Variants in FAM171B observed in about 807,000 individuals in gnomAD.
FAM171B encodes protein FAM171B.
A neutral mutation model predicts 75.6 loss-of-function variants in FAM171B; 19 were observed. The observed-to-expected ratio is 0.25, with a 90% CI of 0.18 to 0.37. FAM171B has a LOEUF of 0.37. Among genes scored for constraint, FAM171B ranks in the 10% least tolerant of loss-of-function variants. FAM171B has a pLI of 1.00. For synonymous variants in FAM171B, 367 were observed against 361.7 expected (o/e 1.01, Z -0.17); for missense variants, 848 against 982.4 (o/e 0.86, Z 1.83).
At chr2:186,761,376 C>T in intron 7 of FAM171B, 103 bp from the exon 8 acceptor site, 3 of 1,437,264 alleles carry the variant, frequency 2.1e-6, no homozygotes, top group African/African-American at 2.9e-5. Flanking sequence ...ACATATCTCA[C>T]AATAGCATTG....
intron 1 of FAM171B, among the ~76,000 whole-genome samples, chr2:186,705,449 C>CTATAT (rs1321147945): frequency 2.0e-5 from 3 of 151,890 alleles, no homozygotes; most frequent in Non-Finnish European, 4.4e-5. Flanking sequence ...TCAAGGGAGC[C>CTATAT]AATAGAAGGG....
At chr2:186,741,633 T>C (rs1052508672) in intron 2 of FAM171B, among the ~76,000 whole-genome samples, 34 of 152,170 alleles carry the variant, frequency 2.2e-4, no homozygotes, top group African/African-American at 7.5e-4. Flanking sequence ...TTAGATTTTT[T>C]TACCTTAAAA....
chr2:186,759,996 C>T (rs933029705), intron 6 of FAM171B, among the ~76,000 whole-genome samples: 1 of 152,086 alleles, frequency 6.6e-6, no homozygotes, highest in Non-Finnish European at 1.5e-5. Flanking sequence ...TTTCATTCTT[C>T]TGCATAAGGA....
intron 5 of FAM171B, among the ~76,000 whole-genome samples, chr2:186,751,613 G>T (rs1690455947): frequency 6.6e-6 from 1 of 152,074 alleles, no homozygotes; most frequent in South Asian, 2.1e-4. Context: ...GTTTTGATAA[G>T]CTCATAATAC....
At chr2:186,728,193 T>A (rs2105781376) in intron 1 of FAM171B, among the ~76,000 whole-genome samples, 1 of 152,328 alleles carries the variant, frequency 6.6e-6, no homozygotes. Context: ...TAGATATTAG[T>A]GTCATTTTTT....
In FAM171B at chr2:186,762,029, C is replaced by A; in HGVS notation, c.1687C>A (p.Pro563Thr). ...QLHTAKSATL[P>T]RKGQLVYGQL... ...ACATACTGCTAAGTCAGCTACTTTG[C>A]CAAGAAAGGGACAGTTAGTCTATGG... The change falls in exon 8 of 8, where the codon CCA becomes ACA. Residue 563 changes from proline (P) to threonine (T), a missense_variant. Physicochemically the swap from Pro to Thr is conservative, Grantham distance 38. Around this residue, in one of 3 missense-constraint regions of FAM171B, gnomAD observed 665 missense variants for 729.0 expected, o/e 0.91. Coordinates refer to ENST00000304698, the MANE Select transcript of FAM171B (RefSeq NM_177454.4). This position sits in a 1 kb window ranked among gnomAD's most constrained non-coding sequence, Gnocchi z 4.0. 6.2e-7 allele frequency: 1 copy of A among 1,613,614 alleles called. No individual in the cohort carries two copies. Among genetic ancestry groups the A allele is most frequent in the Non-Finnish European group, 8.5e-7 (1 of 1,179,796 alleles).
chr2:186,753,903 G>C (rs368873477), intron 5 of FAM171B, 30 bp from the exon 6 acceptor site: 19 of 1,551,056 alleles, frequency 1.2e-5, no homozygotes, highest in Non-Finnish European at 1.7e-5. Flanking sequence ...AGATATAACT[G>C]TAACAAGTAT....
At chr2:186,744,362 TA>T (rs900750621) in intron 3 of FAM171B, among the ~76,000 whole-genome samples, 4 of 152,210 alleles carry the variant, frequency 2.6e-5, no homozygotes, top group African/African-American at 9.6e-5. Flanking sequence ...TTTTCATTTT[TA>T]GATGCTGCCT....
At chr2:186,726,060 A>G (rs1236850574) in intron 1 of FAM171B, among the ~76,000 whole-genome samples, 3 of 152,170 alleles carry the variant, frequency 2.0e-5, no homozygotes, top group East Asian at 3.9e-4. Context: ...GGCTCTTTTT[A>G]TGTTATCCAT....
At position 186,747,450 on chromosome 2, in the gene FAM171B, A is replaced by G. The variant is rs1425864261; in HGVS notation, c.724+200A>G. Among the ~76,000 whole-genome samples, 5 of 152,138 alleles carry G rather than the reference A, an allele frequency of 3.3e-5. No individual in the cohort carries two copies. In the East Asian group the frequency reaches 9.6e-4, roughly 29 times the overall value. On this transcript the variant is annotated intron_variant, in intron 4 of 7. Coordinates refer to ENST00000304698, the MANE Select transcript of FAM171B (RefSeq NM_177454.4). ...ATATATCTTATTCAATGAAAGAAAAATTCAGCATACATTATTTCAAATGCA... is the reference window on the plus strand; with the variant it reads ...ATATATCTTATTCAATGAAAGAAAAGTTCAGCATACATTATTTCAAATGCA...
rs201384607 is a variant in FAM171B at position 186,762,311 on chromosome 2, A to T, written c.1969A>T (p.Thr657Ser). The stretch of plus-strand genomic sequence containing the variant: ...GGAACTTCAAGGAATTTCAGAACAG[A>T]CCCTCCTGGAGCTGTCCAAAGGAAA... ...SSELQGISEQ[T>S]LLELSKGKPS... is the part of the protein sequence containing the mutation. Residue 657 changes from threonine (T) to serine (S), a missense_variant, in exon 8 of 8, where the codon ACC becomes TCC. Physicochemically the swap from Thr to Ser is moderately conservative, Grantham distance 58. This residue lies in a region of FAM171B where 47 missense variants were observed against 94.0 expected (regional missense o/e 0.50). Coordinates refer to ENST00000304698, the MANE Select transcript of FAM171B (RefSeq NM_177454.4). The surrounding 1 kb of genome is among the most constrained non-coding windows in gnomAD (Gnocchi z 4.0). 6.2e-7 allele frequency: 1 copy of T among 1,613,432 alleles called. No individual in the cohort carries two copies. Among genetic ancestry groups the T allele is most frequent in the African/African-American group, 1.3e-5 (1 of 74,894 alleles).
rs1303729116 is a variant in FAM171B at position 186,765,172 on chromosome 2, A to G, written c.*2349A>G. On this transcript the variant is annotated 3_prime_UTR_variant, in exon 8 of 8. Coordinates refer to ENST00000304698, the MANE Select transcript of FAM171B (RefSeq NM_177454.4). The stretch of plus-strand genomic sequence containing the variant: ...AATTTCCTGTTAAAAAGCTGAAACC[A>G]TCTACTTTTTCTTAACCCAAGTGAT... The G allele has an allele frequency of 1.3e-5, 2 of 152,050 alleles. No individual in the cohort carries two copies. The highest frequency in any genetic ancestry group is 4.8e-5 in the African/African-American group (2 of 41,452). 9.4% of individuals were successfully genotyped at this position (152,050 alleles called of 1,614,324 possible). A position where few individuals can be genotyped will look rare whatever the true frequency, so the allele number is the denominator to read the frequency against.
rs570107806 is a variant in FAM171B at position 186,732,900 on chromosome 2, T to C, written c.239-7328T>C. On this transcript the variant is annotated intron_variant, in intron 1 of 7. Transcript: ENST00000304698. ...CACTCACCCAACTCCTGAGATCTCA[T>C]CAGGAAGCTGCTGATCACCAGTTTC... 7.9e-5 allele frequency among the ~76,000 whole-genome samples: 12 copies of C among 152,318 alleles called. No individual in the cohort carries two copies. The South Asian group carries it at 2.5e-3, about 32-fold the overall frequency.
intron 1 of FAM171B, among the ~76,000 whole-genome samples, chr2:186,725,455 G>T (rs1384548221): frequency 1.3e-5 from 2 of 152,054 alleles, no homozygotes; most frequent in Non-Finnish European, 2.9e-5. Flanking sequence ...TTCAAAGGAC[G>T]GGGAAATCAG....
intron 1 of FAM171B, among the ~76,000 whole-genome samples, chr2:186,705,435 A>G (rs1689721037): frequency 6.6e-6 from 1 of 152,064 alleles, no homozygotes; most frequent in South Asian, 2.1e-4. Context: ...GGCAACGCAG[A>G]GGTTCAAGGG....
chr2:186,739,963 T>A (rs1231639611), intron 1 of FAM171B, among the ~76,000 whole-genome samples: 2 of 152,192 alleles, frequency 1.3e-5, no homozygotes, highest in African/African-American at 4.8e-5. Context: ...AATGGGAATT[T>A]TTTAGTGCCA....
chr2:186,761,385 T>C, intron 7 of FAM171B, 94 bp from the exon 8 acceptor site: 1 of 1,435,696 alleles, frequency 7.0e-7, no homozygotes, highest in Non-Finnish European at 9.4e-7. Flanking sequence ...ACAATAGCAT[T>C]GCATGTATGA....
intron 1 of FAM171B, among the ~76,000 whole-genome samples, chr2:186,736,717 AG>A (rs903728771): frequency 6.8e-6 from 1 of 146,238 alleles, no homozygotes; most frequent in African/African-American, 2.5e-5. Context: ...ATTATTACAA[AG>A]GTTATATTTG....
chr2:186,732,317 T>A (rs1690129788), intron 1 of FAM171B, among the ~76,000 whole-genome samples: 1 of 152,204 alleles, frequency 6.6e-6, no homozygotes, highest in Non-Finnish European at 1.5e-5. Flanking sequence ...CAATGATGAT[T>A]GCAATCATAT....
Sources: gnomAD v4.1 joint callset for allele counts (sites outside exome capture counted in the v4.1 genomes callset) on GRCh38, gnomAD v4.1.1 for gene constraint, gnomAD v4.1.1 regional missense constraint, Gnocchi (gnomAD v3.1) non-coding constraint, MANE v1.5 for transcripts, NCBI Gene and HGNC (gene_info 2026-07-23, HGNC 2026-07-21) for gene names.